Variants in CSMD1 observed in about 807,000 individuals in gnomAD.
CSMD1 encodes CUB and sushi domain-containing protein 1.
A neutral mutation model predicts 417.5 loss-of-function variants in CSMD1; 213 were observed. That is an observed-to-expected ratio of 0.51 (90% CI 0.46 to 0.57). CSMD1 has a LOEUF of 0.57. CSMD1 is among the 20% of genes least tolerant of loss of function. The pLI, the probability that CSMD1 is intolerant of heterozygous loss-of-function variation, is 0.00. For missense variants in CSMD1, 6,923 were observed against 4,529.7 expected, an observed-to-expected ratio of 1.53 and a Z score of -15.17; for synonymous variants, 2,862 against 1,736.8, an observed-to-expected ratio of 1.65 and a Z score of -16.11.
At chr8:3,953,034 G>A (rs185118694) in intron 5 of CSMD1, among the ~76,000 whole-genome samples, 1 of 151,766 alleles carries the variant, frequency 6.6e-6, no homozygotes. Flanking sequence ...GTTTACTAAA[G>A]ACAAAATTAT....
chr8:3,547,657 A>C (rs1798731471), intron 10 of CSMD1, among the ~76,000 whole-genome samples: 1 of 152,214 alleles, frequency 6.6e-6, no homozygotes. Context: ...AGTAATATTA[A>C]TTTAAATATA....
At chr8:3,775,833 C>G (rs76037663) in intron 5 of CSMD1, among the ~76,000 whole-genome samples, 20 of 152,304 alleles carry the variant, frequency 1.3e-4, no homozygotes, top group African/African-American at 4.8e-4. Flanking sequence ...TTTCCGCCAA[C>G]GCGCAGGGTT....
intron 68 of CSMD1, among the ~76,000 whole-genome samples, chr8:2,944,715 A>G (rs1349156219): frequency 6.6e-6 from 1 of 152,182 alleles, no homozygotes; most frequent in East Asian, 1.9e-4. Flanking sequence ...TTTTGTCTGT[A>G]TAGCATTTCA....
At chr8:3,644,969 A>AAG (rs1797503342) in intron 7 of CSMD1, among the ~76,000 whole-genome samples, 1 of 140,264 alleles carries the variant, frequency 7.1e-6, no homozygotes, top group Non-Finnish European at 1.6e-5. Flanking sequence ...TTTAAATGAA[A>AAG]AAAAAAAAAA....
intron 3 of CSMD1, among the ~76,000 whole-genome samples, chr8:4,216,725 G>A (rs909653170): frequency 5.3e-5 from 8 of 152,092 alleles, no homozygotes; most frequent in Admixed American, 3.3e-4. Flanking sequence ...GGGTATAAAC[G>A]AATGGAGATG....
At chr8:4,369,554 GTAT>G (rs1401503755) in intron 3 of CSMD1, among the ~76,000 whole-genome samples, 1 of 152,158 alleles carries the variant, frequency 6.6e-6, no homozygotes, top group Non-Finnish European at 1.5e-5. Context: ...AAGTCTCCCA[GTAT>G]TATTGAGTGG....
intron 49 of CSMD1, among the ~76,000 whole-genome samples, chr8:3,078,291 T>C (rs1813834609): frequency 6.6e-6 from 1 of 152,244 alleles, no homozygotes; most frequent in Non-Finnish European, 1.5e-5. Flanking sequence ...ACTGCTTTTA[T>C]TATTAGCCAC....
intron 3 of CSMD1, among the ~76,000 whole-genome samples, chr8:4,170,778 T>C (rs1279005160): frequency 1.3e-5 from 2 of 151,854 alleles, no homozygotes; most frequent in Non-Finnish European, 2.9e-5. Context: ...ACACAGAATT[T>C]CAAATGGTTC....
rs564208817 is a variant in CSMD1 at position 2,950,329 on chromosome 8, C to T, written c.10216G>A (p.Glu3406Lys). 42 of 1,611,368 alleles carry T rather than the reference C, an allele frequency of 2.6e-5. No homozygotes were observed. The highest frequency in any genetic ancestry group is 3.4e-5 in the Non-Finnish European group (40 of 1,177,584). ...ELKLTGIYKKEEAHLLLKAFQ... is the reference protein window; with the variant it reads ...ELKLTGIYKKKEAHLLLKAFQ... ...GCTTTCAGGAGTAAGTGGGCCTCCT[C>T]CTTCTTGTAAATGCCTGTGAAAAGA... Residue 3406 changes from glutamate to lysine, a missense_variant, in exon 67 of 70, where the codon GAG becomes AAG. Transcript: ENST00000635120.
intron 12 of CSMD1, among the ~76,000 whole-genome samples, chr8:3,466,223 A>G (rs1326773221): frequency 6.6e-6 from 1 of 151,816 alleles, no homozygotes; most frequent in Non-Finnish European, 1.5e-5. Flanking sequence ...TTTAATGACG[A>G]GTCTGATACA....
intron 5 of CSMD1, among the ~76,000 whole-genome samples, chr8:3,774,528 G>C (rs73658255): frequency 0.014 from 2,104 of 152,160 alleles, 41 homozygotes; most frequent in African/African-American, 0.049. Flanking sequence ...TACATGAATT[G>C]GTATTAATCT....
At chr8:4,172,123 T>C (rs1465726739) in intron 3 of CSMD1, among the ~76,000 whole-genome samples, 1 of 152,272 alleles carries the variant, frequency 6.6e-6, no homozygotes, top group East Asian at 1.9e-4. Flanking sequence ...TTTCAGTAGG[T>C]GCATGACTAC....
In CSMD1 at chr8:3,091,571, G is replaced by A. The variant is rs765981676; in HGVS notation, c.7230C>T (p.Leu2410=). The A allele has an allele frequency of 9.9e-6, 16 of 1,610,368 alleles. No homozygotes were observed. The highest frequency in any genetic ancestry group is 1.1e-5 in the South Asian group (1 of 90,498). Residue 2410 remains leucine, a synonymous_variant, in exon 48 of 70, where the codon CTC becomes CTT. Coordinates refer to ENST00000635120, the MANE Select transcript of CSMD1 (RefSeq NM_033225.6). ...NFTSRSNQLY[L]RWSTDHATSK... ...TGGTGGCATGGTCAGTGGACCAGCG[G>A]AGATATAACTGATTACTCCTGCTTG...
At chr8:4,210,289 A>G (rs1800229274) in intron 3 of CSMD1, among the ~76,000 whole-genome samples, 1 of 152,136 alleles carries the variant, frequency 6.6e-6, no homozygotes, top group Non-Finnish European at 1.5e-5. Context: ...TTTCATTTTC[A>G]TCCTCTACTG....
intron 50 of CSMD1, among the ~76,000 whole-genome samples, chr8:3,038,894 C>T (rs1438146676): frequency 6.6e-6 from 1 of 152,164 alleles, no homozygotes; most frequent in Non-Finnish European, 1.5e-5. Flanking sequence ...GAGGCTTAAA[C>T]TTCATCATGG....
At chr8:4,915,721 C>T (rs1055428786) in intron 1 of CSMD1, among the ~76,000 whole-genome samples, 2 of 152,214 alleles carry the variant, frequency 1.3e-5, no homozygotes, top group African/African-American at 4.8e-5. Flanking sequence ...AACATTATGT[C>T]CGGGTTTGGA....
chr8:3,839,807 T>C (rs1344578631), intron 5 of CSMD1, among the ~76,000 whole-genome samples: 1 of 151,780 alleles, frequency 6.6e-6, no homozygotes, highest in Admixed American at 6.6e-5. Context: ...GTGGCCAAAC[T>C]AGAGACCAAA....
At chr8:4,208,435 T>C (rs1800109479) in intron 3 of CSMD1, among the ~76,000 whole-genome samples, 1 of 152,330 alleles carries the variant, frequency 6.6e-6, no homozygotes, top group Middle Eastern at 3.4e-3. Context: ...TTATGGTTTT[T>C]CAAAATTTCT....
intron 5 of CSMD1, among the ~76,000 whole-genome samples, chr8:3,891,967 C>A (rs1013144699): frequency 3.3e-5 from 5 of 152,088 alleles, no homozygotes; most frequent in African/African-American, 1.2e-4. Flanking sequence ...TCCAAAAGCA[C>A]AGCATCGGCT....
Sources: allele counts gnomAD v4.1 joint callset (sites outside exome capture counted in the v4.1 genomes callset), GRCh38; gene constraint gnomAD v4.1.1; transcripts MANE v1.5; gene names NCBI Gene and HGNC (gene_info 2026-07-23, HGNC 2026-07-21).